Variants in DLG2 observed in about 807,000 individuals in gnomAD.
DLG2 encodes disks large homolog 2.
In DLG2, 45 loss-of-function variants were observed where a neutral mutation model predicts 132.5. The observed-to-expected ratio is 0.34, with a 90% CI of 0.27 to 0.44. DLG2 has a LOEUF of 0.44. Among genes scored for constraint, DLG2 ranks in the 20% least tolerant of loss-of-function variants. DLG2 has a pLI of 1.00. For missense variants in DLG2, 1,045 were observed against 1,196.9 expected (o/e 0.87, Z 1.87); for synonymous variants, 424 against 419.6 (o/e 1.01, Z -0.13).
chr11:85,180,554 A>C (rs1379716370), intron 4 of DLG2, among the ~76,000 whole-genome samples: 1 of 151,832 alleles, frequency 6.6e-6, no homozygotes, highest in Non-Finnish European at 1.5e-5. Flanking sequence ...AAATCCTAAC[A>C]AGCTGCCCTT....
chr11:84,708,445 A>G (rs1202508328), intron 6 of DLG2, among the ~76,000 whole-genome samples: 1 of 151,918 alleles, frequency 6.6e-6, no homozygotes, highest in African/African-American at 2.4e-5. Flanking sequence ...CACTTTCTCT[A>G]AGACCGTTTT....
At chr11:85,418,820 T>G (rs1267754045) in intron 3 of DLG2, among the ~76,000 whole-genome samples, 1 of 152,250 alleles carries the variant, frequency 6.6e-6, no homozygotes, top group African/African-American at 2.4e-5. Context: ...TGAGCCTGTG[T>G]GTGTCTTTGC....
At chr11:84,863,118 A>T (rs1476569140) in intron 6 of DLG2, among the ~76,000 whole-genome samples, 1 of 152,006 alleles carries the variant, frequency 6.6e-6, no homozygotes, top group Non-Finnish European at 1.5e-5. Flanking sequence ...TTTAATGTAG[A>T]TCCTTTTATC....
At chr11:84,199,193 C>T (rs951570669) in intron 8 of DLG2, among the ~76,000 whole-genome samples, 1 of 152,106 alleles carries the variant, frequency 6.6e-6, no homozygotes, top group African/African-American at 2.4e-5. Flanking sequence ...TGAATCTAGG[C>T]TCACAAACTA....
intron 6 of DLG2, among the ~76,000 whole-genome samples, chr11:84,552,235 A>G (rs2099403146): frequency 6.6e-6 from 1 of 152,098 alleles, no homozygotes; most frequent in Non-Finnish European, 1.5e-5. Context: ...TCTTCTCCCT[A>G]GAATATTCCA....
At chr11:84,452,834 C>A (rs1292518459) in intron 7 of DLG2, among the ~76,000 whole-genome samples, 1 of 151,542 alleles carries the variant, frequency 6.6e-6, no homozygotes, top group African/African-American at 2.4e-5. Context: ...GGGGCATGAG[C>A]TCAGGAGTTT....
chr11:85,432,045 G>T (rs1047916844), intron 3 of DLG2, among the ~76,000 whole-genome samples: 1 of 152,282 alleles, frequency 6.6e-6, no homozygotes, highest in South Asian at 2.1e-4. Context: ...GGCCTGGAGC[G>T]AACTCCCAGC....
intron 3 of DLG2, among the ~76,000 whole-genome samples, chr11:85,545,046 G>C (rs754696665): frequency 6.6e-6 from 1 of 152,224 alleles, no homozygotes; most frequent in Non-Finnish European, 1.5e-5. Context: ...AGTGGTGAAA[G>C]AGGGCATCCT....
intron 10 of DLG2, among the ~76,000 whole-genome samples, chr11:84,087,835 T>C (rs546088257): frequency 4.6e-5 from 7 of 152,354 alleles, no homozygotes; most frequent in Non-Finnish European, 7.4e-5. Context: ...TCCAAGTTTA[T>C]CTCAGTGAGT....
At position 84,296,379 on chromosome 11, in the gene DLG2, C is replaced by T. The variant is rs552665301; in HGVS notation, c.520-45088G>A. ...TTCTCAATCTCTTACCCTGTTTCTC[C>T]TTCACGTTTGGAGGAGTTGTTAATG... is the stretch of plus-strand genomic sequence containing the variant. On this transcript the variant is annotated intron_variant, in intron 7 of 27. Coordinates refer to ENST00000376104, the MANE Select transcript of DLG2 (RefSeq NM_001142699.3). Among the ~76,000 whole-genome samples, 14 of 152,238 alleles carry T rather than the reference C, an allele frequency of 9.2e-5. No individual in the cohort carries two copies. In the East Asian group the frequency reaches 2.3e-3, roughly 25 times the overall value.
intron 11 of DLG2, among the ~76,000 whole-genome samples, chr11:83,989,554 G>C (rs1275037773): frequency 6.6e-6 from 1 of 152,136 alleles, no homozygotes; most frequent in Non-Finnish European, 1.5e-5. Context: ...ATAATTAACA[G>C]AAGTTTAGCA....
chr11:84,807,690 A>G (rs569444685), intron 6 of DLG2, among the ~76,000 whole-genome samples: 1 of 152,302 alleles, frequency 6.6e-6, no homozygotes, highest in East Asian at 1.9e-4. Flanking sequence ...CAATATTTTT[A>G]AAGTAGAATT....
intron 7 of DLG2, among the ~76,000 whole-genome samples, chr11:84,349,626 TAA>T (rs2098553808): frequency 6.6e-6 from 1 of 152,222 alleles, no homozygotes; most frequent in African/African-American, 2.4e-5. Context: ...ATAGTGACTA[TAA>T]ATACAGGCAT....
At chr11:85,589,384 A>G (rs972265069) in intron 3 of DLG2, among the ~76,000 whole-genome samples, 1 of 152,158 alleles carries the variant, frequency 6.6e-6, no homozygotes, top group African/African-American at 2.4e-5. Flanking sequence ...GTTGACCAAG[A>G]TAAGTGTTCA....
intron 2 of DLG2, among the ~76,000 whole-genome samples, chr11:85,607,667 C>T (rs763286437): frequency 2.6e-5 from 4 of 152,164 alleles, no homozygotes; most frequent in East Asian, 1.9e-4. Flanking sequence ...CCCAAAGCCC[C>T]GTCATAGGGG....
intron 6 of DLG2, among the ~76,000 whole-genome samples, chr11:84,955,090 T>C (rs992017533): frequency 1.3e-5 from 2 of 152,166 alleles, no homozygotes; most frequent in Non-Finnish European, 2.9e-5. Flanking sequence ...CAAAAACAAA[T>C]GGCAAGCTAG....
At chr11:83,530,254 T>C (rs1170426052) in intron 21 of DLG2, among the ~76,000 whole-genome samples, 2 of 152,094 alleles carry the variant, frequency 1.3e-5, no homozygotes, top group Non-Finnish European at 2.9e-5. Flanking sequence ...CTCACTTCTA[T>C]GTAGAATGAC....
At chr11:83,486,305 A>T (rs1030141475) in intron 21 of DLG2, 1 of 662,034 alleles carries the variant, frequency 1.5e-6, no homozygotes, top group Admixed American at 2.5e-5. Context: ...TGATACTGCA[A>T]GGTATGTTAG....
chr11:85,506,019 A>G (rs915912350), intron 3 of DLG2, among the ~76,000 whole-genome samples: 7 of 152,164 alleles, frequency 4.6e-5, no homozygotes, highest in Non-Finnish European at 1.0e-4. Flanking sequence ...AGGTGTTTAT[A>G]GTATTCTCTG....
Sources: allele counts gnomAD v4.1 joint callset (sites outside exome capture counted in the v4.1 genomes callset), GRCh38; gene constraint gnomAD v4.1.1; transcripts MANE v1.5; gene names NCBI Gene and HGNC (gene_info 2026-07-23, HGNC 2026-07-21).